Variants in NFATC1 observed in about 807,000 individuals in gnomAD.
The protein encoded by NFATC1 is nuclear factor of activated T-cells, cytoplasmic 1.
A neutral mutation model predicts 76.0 loss-of-function variants in NFATC1; 22 were observed. The observed-to-expected ratio is 0.29, with a 90% confidence interval of 0.21 to 0.41. The LOEUF (loss-of-function observed/expected upper bound fraction) is 0.41. Ranked by LOEUF, NFATC1 falls within the 10% of genes least tolerant of loss-of-function variation. The probability of loss-of-function intolerance (pLI) is 1.00; values close to 1 mark genes in which losing one functional copy is unlikely to be tolerated. For missense variants in NFATC1, 1,357 were observed against 1,337.7 expected (o/e 1.01, Z -0.23); for synonymous variants, 704 against 613.1 (o/e 1.15, Z -2.19).
chr18:79,433,650 A>G lies in NFATC1; in HGVS notation c.1298A>G (p.Gln433Arg). 1.2e-6 allele frequency: 2 copies of G among 1,613,094 alleles called. No individual in the cohort carries two copies. Among genetic ancestry groups the G allele is most frequent in the Non-Finnish European group, 8.5e-7 (1 of 1,179,936 alleles). ...CCGTATGAGCTTCGGATTGAGGTGC[A>G]GCCCAAGTCCCACCACCGAGCCCAC... is the stretch of plus-strand genomic sequence containing the variant. ...SGPYELRIEVQPKSHHRAHYE... is the reference protein window; with the variant it reads ...SGPYELRIEVRPKSHHRAHYE... The change falls in exon 3 of 10, where the codon CAG becomes CGG. Residue 433 changes from glutamine to arginine, a missense_variant. By Grantham distance (43) the Gln-to-Arg change is conservative (BLOSUM62 1). Transcript: ENST00000427363.
chr18:79,448,743 C>T, intron 3 of NFATC1, 39 bp from the exon 4 acceptor site: 1 of 1,596,452 alleles, frequency 6.3e-7, no homozygotes, highest in Non-Finnish European at 8.6e-7. Context: ...GCGGTCTGTG[C>T]TCTGGGTGCT....
At chr18:79,476,017 G>A (rs74678140) in intron 8 of NFATC1, among the ~76,000 whole-genome samples, 2 of 152,240 alleles carry the variant, frequency 1.3e-5, no homozygotes, top group South Asian at 2.1e-4. Flanking sequence ...GGCTCCAGAA[G>A]GGGGGTGGGG....
At chr18:79,468,593 G>GTT (rs1421966829) in intron 8 of NFATC1, 23 of 152,352 alleles carry the variant, frequency 1.5e-4, no homozygotes, top group Admixed American at 1.5e-3. Context: ...AAATCAGGGT[G>GTT]TTTTGGAAGG....
intron 5 of NFATC1, 46 bp from the exon 6 acceptor site, chr18:79,451,630 C>T (rs1037571689): frequency 1.2e-5 from 17 of 1,474,456 alleles, no homozygotes; most frequent in East Asian, 5.0e-5. Context: ...TGCCCCAGGC[C>T]GCCCACTCAG....
At position 79,462,828 on chromosome 18, in the gene NFATC1, C is replaced by T. The variant is rs1454671371; in HGVS notation, c.1959+1462C>T. 4.0e-5 allele frequency among the ~76,000 whole-genome samples: 6 copies of T among 151,674 alleles called. 1 individual carries two copies. In the Middle Eastern group the frequency reaches 0.017, roughly 433 times the overall value. On this transcript the variant is annotated intron_variant, in intron 7 of 9. Coordinates refer to ENST00000427363, the MANE Select transcript of NFATC1 (RefSeq NM_001278669.2). ...CCACTCAGTGTGTGTCCCTGCGGGTCGGGGAGTCTTGTGCACCCACTCAGT... is the reference window on the plus strand; with the variant it reads ...CCACTCAGTGTGTGTCCCTGCGGGTTGGGGAGTCTTGTGCACCCACTCAGT...
intron 1 of NFATC1, among the ~76,000 whole-genome samples, chr18:79,408,483 A>C (rs922470999): frequency 6.6e-6 from 1 of 152,254 alleles, no homozygotes; most frequent in Non-Finnish European, 1.5e-5. Flanking sequence ...AGTGTAATTA[A>C]CACATAATGA....
At chr18:79,432,115 C>T (rs1032776828) in intron 2 of NFATC1, among the ~76,000 whole-genome samples, 1 of 152,248 alleles carries the variant, frequency 6.6e-6, no homozygotes, top group African/African-American at 2.4e-5. Context: ...TCTGCGACTG[C>T]ATCGCATGGA....
intron 1 of NFATC1, among the ~76,000 whole-genome samples, 184 bp downstream of exon 1, chr18:79,396,535 C>A (rs2085010325): frequency 6.6e-6 from 1 of 152,064 alleles, no homozygotes; most frequent in East Asian, 1.9e-4. Flanking sequence ...CTCCCAGCAG[C>A]CCGGTTCCGA....
chr18:79,402,434 T>C (rs2085299685), intron 1 of NFATC1: 1 of 975,478 alleles, frequency 1.0e-6, no homozygotes, highest in Non-Finnish European at 1.2e-6. Flanking sequence ...CCCAAAACAC[T>C]CCTTGAGCAG....
chr18:79,454,997 T>C (rs1306867642), intron 6 of NFATC1, among the ~76,000 whole-genome samples: 3 of 152,156 alleles, frequency 2.0e-5, no homozygotes, highest in Non-Finnish European at 2.9e-5. Flanking sequence ...CACACTAACG[T>C]TCAACATAAA....
chr18:79,414,184 C>A (rs2085796867), intron 2 of NFATC1, among the ~76,000 whole-genome samples: 1 of 152,284 alleles, frequency 6.6e-6, no homozygotes, highest in Middle Eastern at 3.4e-3. Context: ...CTTCCTTCCC[C>A]AGGAATGCCT....
chr18:79,407,320 C>T (rs753822399), intron 1 of NFATC1, among the ~76,000 whole-genome samples: 3 of 152,230 alleles, frequency 2.0e-5, no homozygotes, highest in East Asian at 1.9e-4. Context: ...GGGGCAGATC[C>T]TGGGGATGGT....
At chr18:79,455,746 T>TCACGGCCACCCCATCC (rs1555910050) in intron 6 of NFATC1, among the ~76,000 whole-genome samples, 10 of 148,254 alleles carry the variant, frequency 6.7e-5, no homozygotes, top group South Asian at 2.2e-4. Context: ...GCCCCCCATC[T>TCACGGCCACCCCATCC]CACGGCCGCC....
Position 79,467,527 on chromosome 18 carries a change from C to T in NFATC1, c.2037C>T (p.Cys679=). 6.2e-7 allele frequency: 1 copy of T among 1,614,008 alleles called. No homozygotes were observed. Among genetic ancestry groups the T allele is most frequent in the Non-Finnish European group, 8.5e-7 (1 of 1,179,960 alleles). Reference sequence around the variant, plus strand: ...CCGTTCACGTCAGTTTCTACGTCTGCAACGGGAAGAGAAAGCGAAGCCAGT... The same window carrying T: ...CCGTTCACGTCAGTTTCTACGTCTGTAACGGGAAGAGAAAGCGAAGCCAGT... The part of the protein sequence containing the change: ...TSPVHVSFYV[C]NGKRKRSQYQ... Residue 679 remains cysteine (C), a synonymous_variant, in exon 8 of 10, where the codon TGC becomes TGT. Transcript: ENST00000427363.
intron 1 of NFATC1, among the ~76,000 whole-genome samples, chr18:79,402,516 C>T (rs2085302679): frequency 6.6e-6 from 1 of 152,234 alleles, no homozygotes; most frequent in Non-Finnish European, 1.5e-5. Context: ...TCCCCGGGAG[C>T]CCCGCAGAGC....
intron 7 of NFATC1, among the ~76,000 whole-genome samples, chr18:79,466,450 C>T (rs1026307029): frequency 2.0e-5 from 3 of 152,182 alleles, no homozygotes; most frequent in South Asian, 2.1e-4. Flanking sequence ...ATCAGGGGCC[C>T]GAGTAACGCT....
At chr18:79,476,650 G>T (rs148240529) in intron 8 of NFATC1, among the ~76,000 whole-genome samples, 122 of 152,160 alleles carry the variant, frequency 8.0e-4, no homozygotes, top group Middle Eastern at 3.4e-3. Context: ...TGTTGCTCGG[G>T]GTCGACGTGA....
chr18:79,460,068 G>T (rs2087980374), intron 6 of NFATC1, among the ~76,000 whole-genome samples: 1 of 152,186 alleles, frequency 6.6e-6, no homozygotes, highest in Non-Finnish European at 1.5e-5. Flanking sequence ...TATCGAGTGG[G>T]TTCATCTGGT....
rs2084991418 is a variant in NFATC1 at position 79,396,001 on chromosome 18, CGGGCACCGGGGCGCGGGCA to C, written c.-219_-201del. The C allele has an allele frequency of 6.9e-5, 20 of 289,980 alleles. No homozygotes were observed. The highest frequency in any genetic ancestry group is 5.8e-5 in the Admixed American group (1 of 17,344). The allele number at this position is 289,980 out of a possible 1,614,324, so 18.0% of individuals were successfully genotyped here. A position where few individuals can be genotyped will look rare whatever the true frequency, so the allele number is the denominator to read the frequency against. ...CGCGCCAGATCCCAGCAGCAGGGCG[CGGGCACCGGGGCGCGGGCA>C]GGGCTCGGAGCCACCGCGCAGGTCC... is the stretch of plus-strand genomic sequence containing the variant. On this transcript the variant is annotated 5_prime_UTR_variant, in exon 1 of 10. Transcript: ENST00000427363.
Sources: allele counts gnomAD v4.1 joint callset (sites outside exome capture counted in the v4.1 genomes callset), GRCh38; gene constraint gnomAD v4.1.1; transcripts MANE v1.5; gene names NCBI Gene and HGNC (gene_info 2026-07-23, HGNC 2026-07-21).